Variants in CSMD1 observed in about 807,000 individuals in gnomAD.
CSMD1 encodes CUB and Sushi multiple domains 1.
In CSMD1, 213 loss-of-function variants were observed where a neutral mutation model predicts 417.5. The observed-to-expected ratio is 0.51, with a 90% CI of 0.46 to 0.57. CSMD1 has a LOEUF of 0.57. CSMD1 is among the 20% of genes least tolerant of loss of function. The pLI is 0.00. For missense variants in CSMD1, 6,923 were observed against 4,529.7 expected (o/e 1.53, Z -15.17); for synonymous variants, 2,862 against 1,736.8 (o/e 1.65, Z -16.11).
intron 3 of CSMD1, among the ~76,000 whole-genome samples, chr8:4,204,818 C>G (rs749252112): frequency 7.0e-5 from 10 of 143,364 alleles, no homozygotes; most frequent in Non-Finnish European, 1.2e-4. Flanking sequence ...GCACACACAG[C>G]TAACTTTTAT....
intron 37 of CSMD1, among the ~76,000 whole-genome samples, chr8:3,168,154 G>C (rs536446041): frequency 4.0e-4 from 61 of 152,200 alleles, no homozygotes; most frequent in African/African-American, 1.3e-3. Context: ...ATTAATAGAG[G>C]AGTAGCATGA....
At position 3,709,680 on chromosome 8, in the gene CSMD1, G is replaced by GGCTTTTTTTTTTTTTTTTTTTTT. The variant is rs1554518393; in HGVS notation, c.932-1190_932-1189insAAAAAAAAAAAAAAAAAAAAAGC. ...GATGGGCTTTAAATTGCAGCAGCAT[G>GGCTTTTTTTTTTTTTTTTTTTTT]TTTTTTTTTTTTTTTTTTTTTTTTT... On this transcript the variant is annotated intron_variant, in intron 6 of 69. Transcript: ENST00000635120. Among the ~76,000 whole-genome samples the GGCTTTTTTTTTTTTTTTTTTTTT allele has an allele frequency of 4.2e-4, 14 of 33,694 alleles. 3 individuals are homozygous for GGCTTTTTTTTTTTTTTTTTTTTT. Among genetic ancestry groups the GGCTTTTTTTTTTTTTTTTTTTTT allele is most frequent in the African/African-American group, 7.4e-4 (7 of 9,434 alleles). 22.1% of individuals were successfully genotyped at this position (33,694 alleles called of 152,430 possible).
chr8:4,257,359 T>C (rs1277601844), intron 3 of CSMD1, among the ~76,000 whole-genome samples: 1 of 152,192 alleles, frequency 6.6e-6, no homozygotes, highest in Non-Finnish European at 1.5e-5. Flanking sequence ...TGAATAATTT[T>C]CTCCTTTAGA....
chr8:4,412,609 T>A (rs978552352), intron 3 of CSMD1, among the ~76,000 whole-genome samples: 5 of 152,192 alleles, frequency 3.3e-5, no homozygotes, highest in African/African-American at 1.2e-4. Flanking sequence ...TTTCTCTTAA[T>A]GAAGTTGCAA....
intron 5 of CSMD1, among the ~76,000 whole-genome samples, chr8:3,817,142 CAT>C (rs1009825645): frequency 7.2e-4 from 109 of 150,814 alleles, no homozygotes; most frequent in Non-Finnish European, 1.2e-3. Flanking sequence ...GATGAAGGGA[CAT>C]GTGTTCCTCG....
chr8:3,943,785 C>T lies in CSMD1; in HGVS notation c.818+54118G>A, dbSNP rs572926961. On this transcript the variant is annotated intron_variant, in intron 5 of 69. Transcript: ENST00000635120. The stretch of plus-strand genomic sequence containing the variant: ...AGTTAAATAAACCCAAATTTAGGGA[C>T]AGCCTGTAAAATAATTGGCCCTTAC... 4.6e-5 allele frequency among the ~76,000 whole-genome samples: 7 copies of T among 152,090 alleles called. No homozygotes were observed. In the South Asian group the frequency reaches 1.5e-3, roughly 32 times the overall value.
chr8:3,477,272 T>C (rs1436281435), intron 11 of CSMD1, among the ~76,000 whole-genome samples: 1 of 152,192 alleles, frequency 6.6e-6, no homozygotes, highest in Non-Finnish European at 1.5e-5. Flanking sequence ...GTGCTAAACC[T>C]TTAATATACT....
intron 2 of CSMD1, among the ~76,000 whole-genome samples, chr8:4,607,679 CTTT>C (rs71209109): frequency 1.3e-5 from 2 of 152,088 alleles, no homozygotes; most frequent in African/African-American, 4.8e-5. Flanking sequence ...AAATTTCCAC[CTTT>C]TTTCCAGCAA....
chr8:3,441,230 C>G (rs1340551344), intron 12 of CSMD1, among the ~76,000 whole-genome samples: 1 of 151,998 alleles, frequency 6.6e-6, no homozygotes, highest in East Asian at 1.9e-4. Context: ...TTGCTGACAC[C>G]TTGATTTTGG....
At chr8:4,235,233 GAAC>G (rs1801974635) in intron 3 of CSMD1, among the ~76,000 whole-genome samples, 1 of 151,962 alleles carries the variant, frequency 6.6e-6, no homozygotes, top group Non-Finnish European at 1.5e-5. Context: ...AAAAGAAAAC[GAAC>G]AACATCATTT....
chr8:4,038,244 G>C (rs1157866985), intron 3 of CSMD1, among the ~76,000 whole-genome samples: 7 of 151,970 alleles, frequency 4.6e-5, no homozygotes, highest in Non-Finnish European at 7.4e-5. Context: ...GGAACAATGT[G>C]AATAAATAGA....
chr8:4,009,204 T>C (rs969069882), intron 4 of CSMD1, among the ~76,000 whole-genome samples: 1 of 152,206 alleles, frequency 6.6e-6, no homozygotes, highest in Admixed American at 6.5e-5. Context: ...AAAATAATTC[T>C]AAATGTAAGT....
chr8:3,182,636 T>C (rs1181622163), intron 36 of CSMD1, among the ~76,000 whole-genome samples: 1 of 52,742 alleles, frequency 1.9e-5, no homozygotes, highest in South Asian at 5.2e-4. Context: ...GTGTGTGTAT[T>C]GTTAGTAGAG....
At chr8:3,970,705 A>G (rs935613727) in intron 5 of CSMD1, among the ~76,000 whole-genome samples, 12 of 152,156 alleles carry the variant, frequency 7.9e-5, no homozygotes, top group African/African-American at 2.9e-4. Context: ...TATGTCCATG[A>G]ATGAGGTGCA....
chr8:4,648,246 C>T (rs1341890112), intron 1 of CSMD1, among the ~76,000 whole-genome samples: 2 of 152,140 alleles, frequency 1.3e-5, no homozygotes, highest in Non-Finnish European at 1.5e-5. Flanking sequence ...ATCCTTTGCC[C>T]ACTTTTTGAT....
chr8:3,376,050 T>G (rs1355305693), intron 18 of CSMD1, among the ~76,000 whole-genome samples: 2 of 152,162 alleles, frequency 1.3e-5, no homozygotes, highest in African/African-American at 4.8e-5. Context: ...AAGCACTTAC[T>G]TCATTGTGTG....
intron 1 of CSMD1, among the ~76,000 whole-genome samples, chr8:4,938,585 G>T (rs919273923): frequency 2.0e-5 from 3 of 152,108 alleles, no homozygotes; most frequent in Non-Finnish European, 4.4e-5. Context: ...AGTCTTATCG[G>T]GAAAACGCAT....
intron 12 of CSMD1, among the ~76,000 whole-genome samples, chr8:3,423,611 G>C (rs1326715081): frequency 6.6e-6 from 1 of 152,102 alleles, no homozygotes; most frequent in African/African-American, 2.4e-5. Flanking sequence ...TGTGGCTTTG[G>C]CACCATTTGT....
At chr8:3,087,034 A>G (rs1814578956) in intron 49 of CSMD1, 63 bp downstream of exon 49, 1 of 1,366,728 alleles carries the variant, frequency 7.3e-7, no homozygotes, top group African/African-American at 1.4e-5. Flanking sequence ...TTATTTTCAG[A>G]GAGTGATTAA....
Sources: allele counts gnomAD v4.1 joint callset (sites outside exome capture counted in the v4.1 genomes callset), GRCh38; gene constraint gnomAD v4.1.1; transcripts MANE v1.5; gene names NCBI Gene and HGNC (gene_info 2026-07-23, HGNC 2026-07-21).